The following TEC variants were observed in gnomAD, a reference collection of about 807,000 sequenced individuals.
TEC encodes the protein tyrosine-protein kinase Tec.
TEC carries 72 observed loss-of-function variants against 93.0 expected under a neutral mutation model. The ratio of observed to expected loss-of-function variants is 0.77; its 90% CI spans 0.64 to 0.94. The LOEUF (loss-of-function observed/expected upper bound fraction) is 0.94, where lower values mean the gene tolerates loss of function less well. Among genes scored for constraint, TEC ranks in the 40% least tolerant of loss-of-function variants. The pLI, the probability that TEC is intolerant of heterozygous loss-of-function variation, is 0.00. For synonymous variants in TEC, 249 were observed against 247.7 expected, an observed-to-expected ratio of 1.01 and a Z score of -0.05; for missense variants, 630 against 757.9, an observed-to-expected ratio of 0.83 and a Z score of 1.98.
At chr4:48,153,433 T>C (rs1022632972) in intron 9 of TEC, 19 of 152,226 alleles carry the variant, frequency 1.2e-4, no homozygotes, top group African/African-American at 4.6e-4. Flanking sequence ...AACCAACTAC[T>C]GGGTGGTCCT....
Position 48,199,281 on chromosome 4 carries a change from G to T in TEC, c.139-23095C>A, listed in dbSNP as rs376496369. 2.0e-5 allele frequency among the ~76,000 whole-genome samples: 3 copies of T among 152,000 alleles called. No homozygotes were observed. In the South Asian group the frequency reaches 6.2e-4, roughly 32 times the overall value. On this transcript the variant is annotated intron_variant, in intron 2 of 17. Transcript: ENST00000381501. ...TCTCTAACCCCAACTTCTCACTTGC[G>T]TCTTAAATCTGTATCTCTAAACTAC... is the stretch of plus-strand genomic sequence containing the variant.
chr4:48,150,924 T>C lies in TEC; in HGVS notation c.811A>G (p.Met271Val), dbSNP rs764686962. ...LRSEDKEGGF[M>V]VRDSSQPGLY... ...CCTGGTTGACTGGAATCCCTTACCA[T>C]AAAACCACCTTCTTTATCCTAAAAT... The change falls in exon 10 of 18, where the codon ATG (methionine) becomes GTG (valine). Residue 271 changes from methionine (M) to valine (V), a missense_variant. Met to Val is a conservative substitution (Grantham distance 21). Coordinates refer to ENST00000381501, the MANE Select transcript of TEC (RefSeq NM_003215.3). 6 of 1,587,120 alleles carry C rather than the reference T, an allele frequency of 3.8e-6. No individual in the cohort carries two copies. The highest frequency in any genetic ancestry group is 1.2e-5 in the South Asian group (1 of 84,790).
chr4:48,181,737 G>A (rs1272698095), intron 2 of TEC, among the ~76,000 whole-genome samples: 1 of 151,896 alleles, frequency 6.6e-6, no homozygotes, highest in African/African-American at 2.4e-5. Context: ...TCACCATAGG[G>A]AACAGAGAGT....
At chr4:48,260,686 A>G (rs1165390629) in intron 1 of TEC, among the ~76,000 whole-genome samples, 1 of 152,360 alleles carries the variant, frequency 6.6e-6, no homozygotes, top group South Asian at 2.1e-4. Context: ...CTAACATGAC[A>G]GAATTACCCA....
chr4:48,243,939 A>T (rs1723986776), intron 1 of TEC, among the ~76,000 whole-genome samples: 1 of 149,896 alleles, frequency 6.7e-6, no homozygotes, highest in African/African-American at 2.5e-5. Flanking sequence ...CATGTTGTGC[A>T]CATGTACCCT....
rs1719416000 is a variant in TEC, at chr4:48,136,298, A to C, written c.*1118T>G. The C allele has an allele frequency of 6.6e-6, 1 of 152,292 alleles. No individual in the cohort carries two copies. Among genetic ancestry groups the C allele is most frequent in the African/African-American group, 2.4e-5 (1 of 41,460 alleles). The allele number at this position is 152,292 out of a possible 1,614,324, so 9.4% of individuals were successfully genotyped here. Reference sequence around the variant, plus strand: ...TCCCACCATCCAGGAACCCAAGTCCAACCAGGCCTCCTGAAAAACGTCCGG... The same window carrying C: ...TCCCACCATCCAGGAACCCAAGTCCCACCAGGCCTCCTGAAAAACGTCCGG... On this transcript the variant is annotated 3_prime_UTR_variant, in exon 18 of 18. Coordinates refer to ENST00000381501, the MANE Select transcript of TEC (RefSeq NM_003215.3).
rs532259341 is a variant in TEC at position 48,257,178 on chromosome 4, T to C, written c.-46+12574A>G. On this transcript the variant is annotated intron_variant, in intron 1 of 17. Transcript: ENST00000381501. ...TTTATATGATTACATGAAATTATAA[T>C]ATTTTTATATATGGCTTACATGAAA... Among the ~76,000 whole-genome samples the C allele has an allele frequency of 3.3e-5, 5 of 152,328 alleles. No homozygotes were observed. The East Asian group carries it at 7.7e-4, about 23-fold the overall frequency.
At chr4:48,206,557 A>G (rs1722721872) in intron 2 of TEC, among the ~76,000 whole-genome samples, 1 of 152,178 alleles carries the variant, frequency 6.6e-6, no homozygotes, top group Non-Finnish European at 1.5e-5. Context: ...AGACTTGCTC[A>G]TTTTCATTCG....
intron 2 of TEC, among the ~76,000 whole-genome samples, chr4:48,205,028 A>T (rs1396525484): frequency 1.3e-5 from 2 of 152,204 alleles, no homozygotes; most frequent in East Asian, 3.8e-4. Context: ...CCTGGTTTAA[A>T]TGCCAACTTT....
chr4:48,167,993 T>A, intron 6 of TEC, 40 bp from the exon 7 acceptor site: 1 of 1,586,524 alleles, frequency 6.3e-7, no homozygotes, highest in South Asian at 1.1e-5. Context: ...TAGTCTTCTA[T>A]ATGAAACTGA....
chr4:48,249,919 C>T (rs1175706493), intron 1 of TEC, among the ~76,000 whole-genome samples: 3 of 152,314 alleles, frequency 2.0e-5, no homozygotes, highest in African/African-American at 7.2e-5. Context: ...TTATCAGTTA[C>T]GCATAGACTA....
intron 14 of TEC, among the ~76,000 whole-genome samples, chr4:48,142,868 G>C (rs1719741971): frequency 6.6e-6 from 1 of 151,750 alleles, no homozygotes; most frequent in African/African-American, 2.4e-5. Flanking sequence ...ATTTTTAGTA[G>C]AGACAGGGTT....
At chr4:48,213,179 C>G (rs1313263187) in intron 2 of TEC, among the ~76,000 whole-genome samples, 1 of 152,178 alleles carries the variant, frequency 6.6e-6, no homozygotes, top group Non-Finnish European at 1.5e-5. Context: ...TGTCATCTAA[C>G]TAGGTAATGG....
At chr4:48,174,663 GA>G (rs61380897) in intron 3 of TEC, among the ~76,000 whole-genome samples, 129 of 141,778 alleles carry the variant, frequency 9.1e-4, no homozygotes, top group Admixed American at 1.0e-3. Context: ...CATCTCAAAG[GA>G]AAAAAAAAAA....
chr4:48,242,455 G>C (rs1723945143), intron 1 of TEC, among the ~76,000 whole-genome samples: 1 of 152,132 alleles, frequency 6.6e-6, no homozygotes, highest in African/African-American at 2.4e-5. Flanking sequence ...AAATCTCAAA[G>C]GTAACAGAAG....
chr4:48,184,770 TACACACACACAC>T (rs58704241), intron 2 of TEC, among the ~76,000 whole-genome samples: 10 of 140,942 alleles, frequency 7.1e-5, no homozygotes, highest in East Asian at 4.2e-4. Context: ...ACAAAAAAAA[TACACACACACAC>T]ACACACACAC....
intron 12 of TEC, 70 bp from the exon 13 acceptor site, chr4:48,145,649 A>C: frequency 6.5e-7 from 1 of 1,527,766 alleles, no homozygotes; most frequent in East Asian, 2.3e-5. Context: ...GAGGGGGAAA[A>C]AGAACCTACA....
intron 2 of TEC, 117 bp downstream of exon 2, chr4:48,228,360 T>A (rs898673802): frequency 1.8e-6 from 2 of 1,137,282 alleles, no homozygotes; most frequent in Non-Finnish European, 2.4e-6. Flanking sequence ...GTCCAAATGA[T>A]AATAAATCAT....
At chr4:48,209,490 T>C (rs1722823365) in intron 2 of TEC, among the ~76,000 whole-genome samples, 1 of 151,650 alleles carries the variant, frequency 6.6e-6, no homozygotes, top group African/African-American at 2.4e-5. Context: ...AGCAAACGCC[T>C]GTATCCCAGC....
Sources: allele counts gnomAD v4.1 joint callset (sites outside exome capture counted in the v4.1 genomes callset), GRCh38; gene constraint gnomAD v4.1.1; transcripts MANE v1.5; gene names NCBI Gene and HGNC (gene_info 2026-07-23, HGNC 2026-07-21).